The following SHISA6 variants were observed in gnomAD, a reference collection of about 807,000 sequenced individuals.
SHISA6 encodes the protein shisa family member 6.
A neutral mutation model predicts 47.9 loss-of-function variants in SHISA6; 22 were observed. That is an observed-to-expected ratio of 0.46 (90% CI 0.33 to 0.66). SHISA6 has a LOEUF of 0.66. SHISA6 is among the 30% of genes least tolerant of loss of function. SHISA6 has a pLI of 0.02. For missense variants in SHISA6, 680 were observed against 764.6 expected, an observed-to-expected ratio of 0.89 and a Z score of 1.30; for synonymous variants, 388 against 337.8, an observed-to-expected ratio of 1.15 and a Z score of -1.63.
chr17:11,277,591 C>T (rs994493443), intron 2 of SHISA6, among the ~76,000 whole-genome samples: 11 of 152,024 alleles, frequency 7.2e-5, no homozygotes, highest in East Asian at 1.9e-4. Flanking sequence ...CAGAGTGCAA[C>T]GATTATAATT....
intron 2 of SHISA6, among the ~76,000 whole-genome samples, chr17:11,320,861 C>T (rs1025275641): frequency 6.6e-6 from 1 of 152,068 alleles, no homozygotes; most frequent in African/African-American, 2.4e-5. Context: ...ACCTTGTTTT[C>T]CAGAGAATCA....
chr17:11,423,381 A>G (rs1160096531), intron 3 of SHISA6, among the ~76,000 whole-genome samples: 1 of 150,588 alleles, frequency 6.6e-6, no homozygotes, highest in Non-Finnish European at 1.5e-5. Context: ...ATGCATGCCT[A>G]TCAGTGCAAG....
chr17:11,364,680 T>C (rs1034531971), intron 2 of SHISA6, among the ~76,000 whole-genome samples: 6 of 152,262 alleles, frequency 3.9e-5, no homozygotes, highest in Non-Finnish European at 7.3e-5. Context: ...ACATGTCAAT[T>C]GACGGACATA....
intron 3 of SHISA6, among the ~76,000 whole-genome samples, chr17:11,489,386 T>G (rs1916422989): frequency 1.3e-5 from 2 of 152,204 alleles, no homozygotes; most frequent in African/African-American, 4.8e-5. Flanking sequence ...CCATCAACAC[T>G]TAACATTAAC....
At chr17:11,435,121 C>A (rs1914900182) in intron 3 of SHISA6, among the ~76,000 whole-genome samples, 1 of 111,506 alleles carries the variant, frequency 9.0e-6, no homozygotes, top group Admixed American at 8.4e-5. Context: ...CTCTGTCTTT[C>A]TCTCTCTCTC....
intron 3 of SHISA6, among the ~76,000 whole-genome samples, chr17:11,405,490 A>C (rs948623828): frequency 2.0e-5 from 3 of 152,070 alleles, no homozygotes; most frequent in Non-Finnish European, 2.9e-5. Context: ...TAATTTCTAA[A>C]GCTTCCCAGG....
chr17:11,291,778 C>T (rs755783873), intron 2 of SHISA6, among the ~76,000 whole-genome samples: 21 of 152,138 alleles, frequency 1.4e-4, no homozygotes, highest in Non-Finnish European at 2.4e-4. Context: ...CGCCTTCTCC[C>T]TGTGTCCTCA....
At chr17:11,315,013 T>A (rs1597453865) in intron 2 of SHISA6, among the ~76,000 whole-genome samples, 1 of 152,320 alleles carries the variant, frequency 6.6e-6, no homozygotes, top group Non-Finnish European at 1.5e-5. Context: ...ATCAGTGAGA[T>A]TTTAGAAGGG....
At chr17:11,342,909 G>A (rs1911587414) in intron 2 of SHISA6, among the ~76,000 whole-genome samples, 1 of 152,088 alleles carries the variant, frequency 6.6e-6, no homozygotes, top group African/African-American at 2.4e-5. Context: ...ACAGAATCAG[G>A]GACAGTTTGG....
intron 2 of SHISA6, among the ~76,000 whole-genome samples, chr17:11,333,588 C>G (rs1268409095): frequency 6.6e-6 from 1 of 152,100 alleles, no homozygotes; most frequent in Non-Finnish European, 1.5e-5. Context: ...GATTTTGGCT[C>G]ACTGCAATCT....
chr17:11,397,704 G>C (rs1382144358), intron 3 of SHISA6, among the ~76,000 whole-genome samples: 1 of 151,350 alleles, frequency 6.6e-6, no homozygotes, highest in African/African-American at 2.4e-5. Flanking sequence ...TCTGATGACA[G>C]TTAAATTCTT....
intron 3 of SHISA6, among the ~76,000 whole-genome samples, chr17:11,390,872 A>C (rs896083280): frequency 1.3e-5 from 2 of 152,212 alleles, no homozygotes; most frequent in African/African-American, 4.8e-5. Flanking sequence ...TTGAGCAAAG[A>C]TGAGTAAGAC....
intron 3 of SHISA6, among the ~76,000 whole-genome samples, chr17:11,503,814 A>G (rs2071475311): frequency 6.6e-6 from 1 of 152,214 alleles, no homozygotes; most frequent in African/African-American, 2.4e-5. Flanking sequence ...AGCCGGCGCT[A>G]CTGTGGCTGT....
At chr17:11,445,025 G>C (rs1320610139) in intron 3 of SHISA6, among the ~76,000 whole-genome samples, 1 of 152,200 alleles carries the variant, frequency 6.6e-6, no homozygotes, top group Non-Finnish European at 1.5e-5. Flanking sequence ...CAGCTGTAGA[G>C]AGGTGATTTT....
intron 2 of SHISA6, among the ~76,000 whole-genome samples, chr17:11,327,951 C>T (rs1464501563): frequency 3.3e-5 from 5 of 151,938 alleles, no homozygotes; most frequent in Admixed American, 3.3e-4. Flanking sequence ...CTCTCTGTCT[C>T]TCTCTCTCTC....
chr17:11,559,909 G>A lies in SHISA6; in HGVS notation c.*1605G>A, dbSNP rs956393345. ...GAAAGAAGGGGTTCCCTCATTCTCAGGGCCAGGGCACCCGCTGGGTTGGGG... is the reference window on the plus strand; with the variant it reads ...GAAAGAAGGGGTTCCCTCATTCTCAAGGCCAGGGCACCCGCTGGGTTGGGG... On this transcript the variant is annotated 3_prime_UTR_variant, in exon 6 of 6. Coordinates refer to ENST00000441885, the MANE Select transcript of SHISA6 (RefSeq NM_207386.4). The surrounding 1 kb of genome is among the most constrained non-coding windows in gnomAD (Gnocchi z 4.4). 15 of 152,308 alleles carry A rather than the reference G, an allele frequency of 9.8e-5. No homozygotes were observed. Among genetic ancestry groups the A allele is most frequent in the Non-Finnish European group, 1.2e-4 (8 of 68,130 alleles). 9.4% of individuals were successfully genotyped at this position (152,308 alleles called of 1,614,324 possible).
intron 2 of SHISA6, among the ~76,000 whole-genome samples, chr17:11,350,249 G>A (rs1319632818): frequency 1.1e-5 from 1 of 87,912 alleles, no homozygotes. Flanking sequence ...GCGCGATCTC[G>A]GCTCACTGCA....
intron 3 of SHISA6, among the ~76,000 whole-genome samples, chr17:11,413,464 G>A (rs72807147): frequency 0.016 from 2,443 of 152,290 alleles, 28 homozygotes; most frequent in Middle Eastern, 0.024. Flanking sequence ...ACCAGACACC[G>A]GCTTCTGTTT....
intron 3 of SHISA6, among the ~76,000 whole-genome samples, chr17:11,384,689 G>A (rs952692174): frequency 6.6e-6 from 1 of 152,196 alleles, no homozygotes; most frequent in Admixed American, 6.5e-5. Context: ...GCTCCCTGCA[G>A]CTGCAGAGTG....
Sources: allele counts gnomAD v4.1 joint callset (sites outside exome capture counted in the v4.1 genomes callset), GRCh38; gene constraint gnomAD v4.1.1; non-coding constraint Gnocchi (gnomAD v3.1); transcripts MANE v1.5; gene names NCBI Gene and HGNC (gene_info 2026-07-23, HGNC 2026-07-21).